Variants in HDAC9 observed in about 807,000 individuals in gnomAD.
The protein encoded by HDAC9 is histone deacetylase 9.
In HDAC9, 41 loss-of-function variants were observed where a neutral mutation model predicts 139.4. The observed-to-expected ratio is 0.29, with a 90% CI of 0.23 to 0.38. The LOEUF (loss-of-function observed/expected upper bound fraction) is 0.38. HDAC9 is among the 10% of genes least tolerant of loss of function. The pLI is 1.00. For missense variants in HDAC9, 1,147 were observed against 1,297.0 expected (o/e 0.88, Z 1.78); for synonymous variants, 517 against 476.2 (o/e 1.09, Z -1.12).
In HDAC9 at chr7:18,647,838, A is replaced by G. The variant is rs1270115222; in HGVS notation, c.1089A>G (p.Gln363=). ...KQKCETQTLR[Q]GVPLPGQYGG... ...AGTGTGAGACGCAGACGCTTAGGCA[A>G]GGTGTTCCTCTGCCTGGGCAGTATG... Residue 363 remains glutamine, a synonymous_variant, in exon 10 of 26, where the codon CAA becomes CAG. Transcript: ENST00000686413. 1 of 1,612,558 alleles carries G rather than the reference A, an allele frequency of 6.2e-7. No individual in the cohort carries two copies. The highest frequency in any genetic ancestry group is 1.7e-4 in the Middle Eastern group (1 of 6,056).
chr7:18,612,316 C>T (rs1008881456), intron 6 of HDAC9, among the ~76,000 whole-genome samples: 1 of 152,024 alleles, frequency 6.6e-6, no homozygotes, highest in Non-Finnish European at 1.5e-5. Context: ...TTGTGTTTGC[C>T]ACTACCACTA....
rs1307145937 is a variant in HDAC9, at chr7:18,593,901, T to C, written c.543-7T>C. On this transcript the variant is annotated splice_polypyrimidine_tract_variant and splice_region_variant and intron_variant, in intron 5 of 25. Transcript: ENST00000686413. Reference sequence around the variant, plus strand: ...AGTAAATAGTGAAACTTCCTTGTCTTTTCTAGGGCTGCCCACCACACATCA... The same window carrying C: ...AGTAAATAGTGAAACTTCCTTGTCTCTTCTAGGGCTGCCCACCACACATCA... 1 of 1,612,364 alleles carries C rather than the reference T, an allele frequency of 6.2e-7. No individual in the cohort carries two copies. Among genetic ancestry groups the C allele is most frequent in the South Asian group, 1.1e-5 (1 of 90,974 alleles).
chr7:18,669,378 A>T (rs1334305797), intron 12 of HDAC9, among the ~76,000 whole-genome samples: 1 of 151,796 alleles, frequency 6.6e-6, no homozygotes. Context: ...TAATTAAATG[A>T]TCTCCCCTTA....
intron 1 of HDAC9, among the ~76,000 whole-genome samples, chr7:18,372,033 T>G (rs901108106): frequency 1.3e-5 from 2 of 152,194 alleles, no homozygotes; most frequent in Non-Finnish European, 2.9e-5. Flanking sequence ...GGATGATCTT[T>G]GAATCAATAA....
intron 25 of HDAC9, among the ~76,000 whole-genome samples, chr7:18,994,980 A>G (rs1786343445): frequency 6.6e-6 from 1 of 152,244 alleles, no homozygotes; most frequent in Admixed American, 6.5e-5. Flanking sequence ...GCAAAGGCAT[A>G]ACTCTGCATT....
intron 1 of HDAC9, chr7:18,327,713 A>G (rs1307465946): frequency 6.6e-6 from 1 of 151,982 alleles, no homozygotes; most frequent in East Asian, 1.9e-4. Context: ...GCCTATACCA[A>G]CCAAAGTTGA....
chr7:18,269,059 A>T (rs956658792), intron 2 of HDAC9, among the ~76,000 whole-genome samples: 1 of 152,186 alleles, frequency 6.6e-6, no homozygotes, highest in Non-Finnish European at 1.5e-5. Flanking sequence ...CATCATTATG[A>T]TGAGTTTGCT....
intron 2 of HDAC9, among the ~76,000 whole-genome samples, chr7:18,255,625 C>CGTTTTTTTT (rs1449259332): frequency 9.9e-6 from 1 of 101,282 alleles, no homozygotes; most frequent in African/African-American, 3.5e-5. Context: ...CTTTTTCTTT[C>CGTTTTTTTT]CTTTTTTTTT....
chr7:18,835,789 G>C (rs533252791), intron 20 of HDAC9, 111 bp from the exon 21 acceptor site: 2 of 971,934 alleles, frequency 2.1e-6, no homozygotes, highest in East Asian at 5.2e-5. Context: ...CTGATTTGAT[G>C]TGTTGTTTGA....
At chr7:18,415,275 G>A (rs1165529514) in intron 1 of HDAC9, among the ~76,000 whole-genome samples, 1 of 152,156 alleles carries the variant, frequency 6.6e-6, no homozygotes, top group East Asian at 1.9e-4. Context: ...AGAACCCATG[G>A]GGCTGATGTT....
chr7:18,793,513 G>A (rs1792512708), intron 17 of HDAC9, 61 bp downstream of exon 17: 2 of 1,093,470 alleles, frequency 1.8e-6, no homozygotes, highest in Admixed American at 4.0e-5. Context: ...CAGAGATGTT[G>A]TTATGTGGGA....
At chr7:18,940,903 TGTA>T (rs898346126) in intron 23 of HDAC9, among the ~76,000 whole-genome samples, 2 of 151,982 alleles carry the variant, frequency 1.3e-5, no homozygotes, top group African/African-American at 4.8e-5. Context: ...GGAGAGGACA[TGTA>T]GTAGTAGAAG....
rs952891253 is a variant in HDAC9, at chr7:18,576,504, A to G, written c.23-8777A>G. Among the ~76,000 whole-genome samples, 3 of 152,064 alleles carry G rather than the reference A, an allele frequency of 2.0e-5. No individual in the cohort carries two copies. In the East Asian group the frequency reaches 5.8e-4, roughly 29 times the overall value. On this transcript the variant is annotated intron_variant, in intron 2 of 25. Coordinates refer to ENST00000686413, the MANE Select transcript of HDAC9 (RefSeq NM_178425.4). ...TAGTAAAACCCCATCTCCACTAAAA[A>G]TACAAAAATTAGCCAGGCATGCTGG...
chr7:18,652,412 G>A (rs980909034), intron 11 of HDAC9, among the ~76,000 whole-genome samples: 2 of 152,052 alleles, frequency 1.3e-5, no homozygotes, highest in African/African-American at 4.8e-5. Context: ...AAATAAAACT[G>A]TAATTGATTA....
At chr7:18,551,802 T>C (rs1195314473) in intron 2 of HDAC9, among the ~76,000 whole-genome samples, 1 of 152,224 alleles carries the variant, frequency 6.6e-6, no homozygotes, top group Non-Finnish European at 1.5e-5. Context: ...GAACTAGATT[T>C]GGTGTTAACA....
At chr7:18,456,433 AC>A (rs1485125327) in intron 1 of HDAC9, among the ~76,000 whole-genome samples, 5 of 151,972 alleles carry the variant, frequency 3.3e-5, no homozygotes, top group African/African-American at 1.2e-4. Context: ...ATGGGGTTTC[AC>A]CATGCTGGCC....
chr7:18,569,951 TTAC>T (rs1181441077), intron 2 of HDAC9, among the ~76,000 whole-genome samples: 1 of 152,200 alleles, frequency 6.6e-6, no homozygotes, highest in African/African-American at 2.4e-5. Flanking sequence ...TTACTTTTTG[TTAC>T]TACTTTCTTC....
intron 22 of HDAC9, among the ~76,000 whole-genome samples, chr7:18,895,792 G>A (rs1052489333): frequency 6.6e-6 from 1 of 152,040 alleles, no homozygotes; most frequent in Non-Finnish European, 1.5e-5. Context: ...TTGATCTGAG[G>A]CTTTAAGCTT....
At chr7:18,917,522 G>T (rs763177692) in intron 22 of HDAC9, among the ~76,000 whole-genome samples, 1 of 152,060 alleles carries the variant, frequency 6.6e-6, no homozygotes, top group South Asian at 2.1e-4. Flanking sequence ...TTGTCTGAAC[G>T]TTGTGGTGGG....
Sources: allele counts gnomAD v4.1 joint callset (sites outside exome capture counted in the v4.1 genomes callset), GRCh38; gene constraint gnomAD v4.1.1; transcripts MANE v1.5; gene names NCBI Gene and HGNC (gene_info 2026-07-23, HGNC 2026-07-21).